The following SHISA9 variants were observed in gnomAD, a reference collection of about 807,000 sequenced individuals.
SHISA9 encodes shisa family member 9.
In SHISA9, 13 loss-of-function variants were observed where a neutral mutation model predicts 38.0. The ratio of observed to expected loss-of-function variants is 0.34; its 90% CI spans 0.22 to 0.54. The LOEUF (loss-of-function observed/expected upper bound fraction) is 0.54, where lower values mean the gene tolerates loss of function less well. Ranked by LOEUF, SHISA9 falls within the 20% of genes least tolerant of loss-of-function variation. SHISA9 has a pLI of 0.91. For missense variants in SHISA9, 538 were observed against 575.8 expected (o/e 0.93, Z 0.67); for synonymous variants, 275 against 242.0 (o/e 1.14, Z -1.27).
chr16:13,104,242 C>T (rs1337271633), intron 2 of SHISA9, among the ~76,000 whole-genome samples: 1 of 152,054 alleles, frequency 6.6e-6, no homozygotes, highest in Non-Finnish European at 1.5e-5. Context: ...ATAGTATGAG[C>T]TTGGGTGGGA....
chr16:13,073,702 G>A (rs565436112), intron 2 of SHISA9, among the ~76,000 whole-genome samples: 71 of 152,258 alleles, frequency 4.7e-4, no homozygotes, highest in African/African-American at 1.6e-3. Context: ...GGTTATCCTG[G>A]ATAAGGGTGA....
chr16:13,026,990 C>A (rs1482629543), intron 2 of SHISA9, among the ~76,000 whole-genome samples: 1 of 152,180 alleles, frequency 6.6e-6, no homozygotes. Flanking sequence ...GGTACCATAA[C>A]TACCTAGAGT....
chr16:13,469,896 A>G, the SHISA9 span, among the ~76,000 whole-genome samples: 3 of 152,174 alleles, frequency 2.0e-5, no homozygotes, highest in Non-Finnish European at 4.4e-5. Flanking sequence ...ACATGGTACC[A>G]TTCTCCAATA....
chr16:13,173,165 A>T (rs1366605937), intron 2 of SHISA9, among the ~76,000 whole-genome samples: 2 of 152,176 alleles, frequency 1.3e-5, no homozygotes, highest in African/African-American at 4.8e-5. Flanking sequence ...ACACACACAC[A>T]CACACACACA....
chr16:13,530,128 G>A, the SHISA9 span, among the ~76,000 whole-genome samples: 3 of 152,090 alleles, frequency 2.0e-5, no homozygotes, highest in Non-Finnish European at 4.4e-5. Context: ...GTGAAATCTC[G>A]TCTGTACTAA....
At chr16:13,393,359 G>A in the SHISA9 span, among the ~76,000 whole-genome samples, 1 of 152,110 alleles carries the variant, frequency 6.6e-6, no homozygotes, top group Non-Finnish European at 1.5e-5. Context: ...AAAATTGTGT[G>A]GCCATTCCTT....
intron 2 of SHISA9, among the ~76,000 whole-genome samples, chr16:12,967,510 G>T (rs1057397569): frequency 6.6e-6 from 1 of 151,924 alleles, no homozygotes; most frequent in Non-Finnish European, 1.5e-5. Flanking sequence ...GTATACATAT[G>T]TAACAAACCT....
At chr16:13,492,348 G>T in the SHISA9 span, among the ~76,000 whole-genome samples, 1 of 152,156 alleles carries the variant, frequency 6.6e-6, no homozygotes, top group East Asian at 1.9e-4. Context: ...GAGGTTAACG[G>T]TGTTCTTGGA....
At chr16:13,083,020 C>T (rs1168323894) in intron 2 of SHISA9, among the ~76,000 whole-genome samples, 3 of 152,198 alleles carry the variant, frequency 2.0e-5, no homozygotes, top group Non-Finnish European at 2.9e-5. Context: ...TTAGCAGCCA[C>T]TGCCATGTGT....
intron 2 of SHISA9, among the ~76,000 whole-genome samples, chr16:13,073,025 G>C (rs2073536788): frequency 1.3e-5 from 2 of 152,102 alleles, no homozygotes; most frequent in Non-Finnish European, 2.9e-5. Flanking sequence ...TCCTGAGCTT[G>C]AGTGATCCTC....
chr16:13,272,001 C>G, the SHISA9 span, among the ~76,000 whole-genome samples: 4 of 151,484 alleles, frequency 2.6e-5, no homozygotes, highest in Non-Finnish European at 5.9e-5. Flanking sequence ...GTCACTTAAA[C>G]CCAGGAAGGA....
the SHISA9 span, among the ~76,000 whole-genome samples, chr16:13,304,159 G>A: frequency 6.6e-6 from 1 of 152,070 alleles, no homozygotes; most frequent in Non-Finnish European, 1.5e-5. Flanking sequence ...CTTCCCATTT[G>A]TGCAACAATG....
the SHISA9 span, among the ~76,000 whole-genome samples, chr16:13,363,965 C>T: frequency 1.3e-5 from 2 of 152,174 alleles, no homozygotes; most frequent in Non-Finnish European, 2.9e-5. Flanking sequence ...GGGGACAGAG[C>T]CCAGCAATCT....
At chr16:13,011,300 TC>T (rs2141852461) in intron 2 of SHISA9, among the ~76,000 whole-genome samples, 1 of 151,590 alleles carries the variant, frequency 6.6e-6, no homozygotes, top group South Asian at 2.1e-4. Flanking sequence ...CACATAACCA[TC>T]ATCTCATATT....
At chr16:13,326,233 C>T in the SHISA9 span, among the ~76,000 whole-genome samples, 29 of 152,050 alleles carry the variant, frequency 1.9e-4, no homozygotes, top group African/African-American at 7.0e-4. Flanking sequence ...ACTCAGTCTA[C>T]CTATTCAAAT....
chr16:13,054,775 T>C (rs2173862), intron 2 of SHISA9, among the ~76,000 whole-genome samples: 48,898 of 152,042 alleles, frequency 0.32, 8,037 homozygotes, highest in South Asian at 0.36. Flanking sequence ...CTCCAGCCCC[T>C]CTCATGAGTG....
the SHISA9 span, among the ~76,000 whole-genome samples, chr16:13,533,397 T>C: frequency 1.3e-5 from 2 of 152,196 alleles, no homozygotes; most frequent in Admixed American, 1.3e-4. Context: ...TCCTTACCCT[T>C]ATGACCACAG....
intron 2 of SHISA9, among the ~76,000 whole-genome samples, chr16:13,042,408 T>C (rs1489794913): frequency 6.6e-6 from 1 of 152,162 alleles, no homozygotes; most frequent in South Asian, 2.1e-4. Context: ...TGCAGTAGCA[T>C]TGGATGGGAC....
chr16:13,308,552 G>C, the SHISA9 span, among the ~76,000 whole-genome samples: 2 of 152,132 alleles, frequency 1.3e-5, no homozygotes, highest in African/African-American at 4.8e-5. Context: ...GAGATCCTAA[G>C]TATCCCAATG....
Sources: gnomAD v4.1 joint callset for allele counts (sites outside exome capture counted in the v4.1 genomes callset) on GRCh38, gnomAD v4.1.1 for gene constraint, MANE v1.5 for transcripts, NCBI Gene and HGNC (gene_info 2026-07-23, HGNC 2026-07-21) for gene names.